The following RHOA variants were observed in gnomAD, a reference collection of about 807,000 sequenced individuals.
The protein encoded by RHOA is ras homolog family member A.
Under a neutral mutation model 17.5 loss-of-function variants are expected in RHOA, and 3 were observed. The observed-to-expected ratio is 0.17, with a 90% CI of 0.08 to 0.44. RHOA has a LOEUF of 0.44. Ranked by LOEUF, RHOA falls within the 20% of genes least tolerant of loss-of-function variation. RHOA has a pLI of 0.99. For missense variants in RHOA, 56 were observed against 242.3 expected, an observed-to-expected ratio of 0.23 and a Z score of 5.10; for synonymous variants, 98 against 88.4, an observed-to-expected ratio of 1.11 and a Z score of -0.61.
chr3:49,363,285 T>G (rs956163247), intron 3 of RHOA, among the ~76,000 whole-genome samples: 4 of 151,906 alleles, frequency 2.6e-5, no homozygotes, highest in Non-Finnish European at 5.9e-5. Context: ...CCGGGTGTAG[T>G]GGTGGGCACC....
intron 1 of RHOA, among the ~76,000 whole-genome samples, chr3:49,387,473 G>A (rs1302014901): frequency 2.0e-5 from 3 of 147,814 alleles, no homozygotes; most frequent in Non-Finnish European, 3.0e-5. Context: ...GGTCGGGCGC[G>A]GTGGCTCATG....
chr3:49,384,145 C>T (rs2048360813), intron 1 of RHOA, among the ~76,000 whole-genome samples: 1 of 152,146 alleles, frequency 6.6e-6, no homozygotes, highest in Admixed American at 6.6e-5. Flanking sequence ...AAGTGATTAT[C>T]GGACAAAATG....
intron 1 of RHOA, among the ~76,000 whole-genome samples, chr3:49,403,194 T>A (rs539913331): frequency 6.6e-6 from 1 of 151,914 alleles, no homozygotes; most frequent in East Asian, 1.9e-4. Context: ...AAAAGTTAGC[T>A]GGGTGTGGTG....
intron 1 of RHOA, among the ~76,000 whole-genome samples, chr3:49,391,500 A>C (rs2048506492): frequency 6.6e-6 from 1 of 152,142 alleles, no homozygotes; most frequent in East Asian, 1.9e-4. Context: ...TACAACTGGT[A>C]ATGTCACAGC....
At chr3:49,383,369 G>T (rs992289686) in intron 1 of RHOA, among the ~76,000 whole-genome samples, 3 of 148,206 alleles carry the variant, frequency 2.0e-5, no homozygotes, top group African/African-American at 5.0e-5. Context: ...GCAGTGAGCT[G>T]AGATCACACC....
intron 1 of RHOA, among the ~76,000 whole-genome samples, chr3:49,408,212 A>T (rs539817438): frequency 2.0e-5 from 3 of 151,838 alleles, no homozygotes; most frequent in African/African-American, 7.3e-5. Flanking sequence ...ACACACACGT[A>T]TATGTACACA....
At chr3:49,362,792 C>T (rs934393902) in intron 3 of RHOA, among the ~76,000 whole-genome samples, 166 bp from the exon 4 acceptor site, 2 of 152,172 alleles carry the variant, frequency 1.3e-5, no homozygotes, top group Non-Finnish European at 2.9e-5. Flanking sequence ...AATATAATCC[C>T]TTTCCTTTAA....
At chr3:49,397,906 C>T (rs998518009) in intron 1 of RHOA, among the ~76,000 whole-genome samples, 3 of 152,130 alleles carry the variant, frequency 2.0e-5, no homozygotes, top group African/African-American at 4.8e-5. Context: ...GCTATATTAT[C>T]CTAAAAGCAG....
chr3:49,385,542 GTT>G (rs766685362), intron 1 of RHOA, among the ~76,000 whole-genome samples: 2 of 151,602 alleles, frequency 1.3e-5, no homozygotes, highest in African/African-American at 4.8e-5. Context: ...AAACTCAGTT[GTT>G]TTTTTTATTT....
At chr3:49,407,471 T>C (rs13061396) in intron 1 of RHOA, among the ~76,000 whole-genome samples, 111,630 of 151,924 alleles carry the variant, frequency 0.73, 41,536 homozygotes, top group East Asian at 0.99. Context: ...TGACCTCAAG[T>C]GATCCACCTG....
At position 49,359,168 on chromosome 3, in the gene RHOA, T is replaced by C. The variant is rs1435470363; in HGVS notation, c.*1041A>G. 1 of 182,438 alleles carries C rather than the reference T, an allele frequency of 5.5e-6. No individual in the cohort carries two copies. Among genetic ancestry groups the C allele is most frequent in the Non-Finnish European group, 1.2e-5 (1 of 85,492 alleles). The allele number at this position is 182,438 out of a possible 1,614,324, so 11.3% of individuals were successfully genotyped here. ...AGTTTAGAAAACTGCCTTTATTCTA[T>C]TAGTAGTTGGAAAAATTAACTGGTA... On this transcript the variant is annotated 3_prime_UTR_variant, in exon 5 of 5. Coordinates refer to ENST00000418115, the MANE Select transcript of RHOA (RefSeq NM_001664.4).
chr3:49,404,341 T>A (rs2048776730), intron 1 of RHOA, among the ~76,000 whole-genome samples: 1 of 148,312 alleles, frequency 6.7e-6, no homozygotes, highest in Non-Finnish European at 1.5e-5. Context: ...ACACCCGTAA[T>A]CCCAGTACTT....
At chr3:49,404,808 T>C in intron 1 of RHOA, among the ~76,000 whole-genome samples, 1 of 145,772 alleles carries the variant, frequency 6.9e-6, no homozygotes, top group African/African-American at 2.5e-5. Flanking sequence ...CGTGGCAGCA[T>C]GCACCTGTAG....
chr3:49,359,740 T>C lies in RHOA; in HGVS notation c.*469A>G, dbSNP rs972511608. On this transcript the variant is annotated 3_prime_UTR_variant, in exon 5 of 5. Transcript: ENST00000418115. ...ACAGCTGCATGAACTTGGGCTTTTC[T>C]GGTTGAGCCCATTTTCAAAAAACTG... The C allele has an allele frequency of 8.7e-6, 2 of 228,822 alleles. No individual in the cohort carries two copies. The highest frequency in any genetic ancestry group is 1.7e-5 in the Non-Finnish European group (2 of 115,138). 14.2% of individuals were successfully genotyped at this position (228,822 alleles called of 1,614,324 possible). A position where few individuals can be genotyped will look rare whatever the true frequency, so the allele number is the denominator to read the frequency against.
chr3:49,398,674 A>G (rs1389746222), intron 1 of RHOA, among the ~76,000 whole-genome samples: 2 of 151,062 alleles, frequency 1.3e-5, no homozygotes, highest in African/African-American at 4.9e-5. Context: ...AAGAAAAAAA[A>G]AAAGAAATAC....
At chr3:49,360,507 G>T in intron 4 of RHOA, 125 bp from the exon 5 acceptor site, 1 of 1,031,508 alleles carries the variant, frequency 9.7e-7, no homozygotes. Flanking sequence ...CTCGTCGGTC[G>T]CCCAGGCTGG....
chr3:49,378,634 T>C (rs1208253057), intron 1 of RHOA, among the ~76,000 whole-genome samples: 2 of 152,188 alleles, frequency 1.3e-5, no homozygotes, highest in East Asian at 1.9e-4. Context: ...GGTCTCATTC[T>C]GTCACCAAGG....
chr3:49,380,846 C>T (rs569799700), intron 1 of RHOA, among the ~76,000 whole-genome samples: 170 of 151,218 alleles, frequency 1.1e-3, no homozygotes, highest in African/African-American at 3.9e-3. Context: ...ACAATGAAAA[C>T]AAAACAAAAA....
chr3:49,404,659 T>G (rs1575288030), intron 1 of RHOA, among the ~76,000 whole-genome samples: 3 of 131,244 alleles, frequency 2.3e-5, no homozygotes, highest in Admixed American at 1.7e-4. Flanking sequence ...CCAGGCACGG[T>G]GGCTCACGGC....
Sources: allele counts gnomAD v4.1 joint callset (sites outside exome capture counted in the v4.1 genomes callset), GRCh38; gene constraint gnomAD v4.1.1; transcripts MANE v1.5; gene names NCBI Gene and HGNC (gene_info 2026-07-23, HGNC 2026-07-21).